Variants in PCDH11X observed in about 807,000 individuals in gnomAD.
The protein encoded by PCDH11X is protocadherin-11 X-linked.
A neutral mutation model predicts 53.3 loss-of-function variants in PCDH11X; 18 were observed. The ratio of observed to expected loss-of-function variants is 0.34; its 90% confidence interval spans 0.23 to 0.50. PCDH11X has a LOEUF of 0.50. Among genes scored for constraint, PCDH11X ranks in the 20% least tolerant of loss-of-function variants. The probability of loss-of-function intolerance (pLI) is 0.98; values close to 1 mark genes in which losing one functional copy is unlikely to be tolerated. For synonymous variants in PCDH11X, 279 were observed against 393.3 expected, an observed-to-expected ratio of 0.71 and a Z score of 3.44; for missense variants, 570 against 1,032.4, an observed-to-expected ratio of 0.55 and a Z score of 6.14.
chrX:92,317,534 T>C (rs1200025079), intron 8 of PCDH11X, among the ~76,000 whole-genome samples: 2 of 111,774 alleles, frequency 1.8e-5, no homozygotes, highest in Non-Finnish European at 3.8e-5. Flanking sequence ...GATAATACTT[T>C]CCAGTGGTAC....
intron 6 of PCDH11X, among the ~76,000 whole-genome samples, chrX:92,069,730 G>A (rs1360630685): frequency 2.7e-5 from 3 of 111,306 alleles, no homozygotes; most frequent in Non-Finnish European, 5.7e-5. Flanking sequence ...CACCCAGGCT[G>A]GAGTGCAGTG....
chrX:92,423,117 T>A (rs774976738), intron 9 of PCDH11X, among the ~76,000 whole-genome samples: 4 of 98,251 alleles, frequency 4.1e-5, no homozygotes, highest in African/African-American at 1.3e-4. Context: ...CCCAAAGTGC[T>A]GGGATTACAG....
intron 1 of PCDH11X, among the ~76,000 whole-genome samples, chrX:91,782,500 TA>T (rs779766211): frequency 1.8e-5 from 2 of 109,856 alleles, no homozygotes; most frequent in Non-Finnish European, 3.8e-5. Context: ...ACGGCCTCTT[TA>T]AAAAAAAACC....
At chrX:92,076,302 T>C (rs956516059) in intron 6 of PCDH11X, among the ~76,000 whole-genome samples, 9 of 105,071 alleles carry the variant, frequency 8.6e-5, no homozygotes, top group African/African-American at 3.3e-4. Flanking sequence ...AGAAAACCAA[T>C]GAGAGACCAC....
intron 10 of PCDH11X, among the ~76,000 whole-genome samples, chrX:92,549,530 C>A (rs1028320512): frequency 1.1e-4 from 12 of 108,622 alleles, no homozygotes; most frequent in Middle Eastern, 4.4e-3. Flanking sequence ...TTTTCAAATT[C>A]GTGATCTAAA....
chrX:92,064,607 T>G, intron 6 of PCDH11X, among the ~76,000 whole-genome samples: 1 of 110,845 alleles, frequency 9.0e-6, no homozygotes, highest in Non-Finnish European at 1.9e-5. Flanking sequence ...TGCCATGACA[T>G]GATAGGTAAG....
intron 5 of PCDH11X, among the ~76,000 whole-genome samples, chrX:91,855,984 C>T (rs1191314707): frequency 9.5e-6 from 1 of 104,765 alleles, no homozygotes; most frequent in African/African-American, 3.5e-5. Flanking sequence ...TTTGGATAAC[C>T]TTTATATCTT....
chrX:92,549,283 G>A lies in PCDH11X; in HGVS notation c.3368-68981G>A, dbSNP rs1431377588. Among the ~76,000 whole-genome samples, 3 of 107,125 alleles carry A rather than the reference G, an allele frequency of 2.8e-5. No homozygotes were observed. In the East Asian group the frequency reaches 8.8e-4, roughly 31 times the overall value. 93.0% of individuals were successfully genotyped at this position (107,125 alleles called of 115,157 possible). ...ATGCCTTATATTGCCTTATTTTGTA[G>A]CACTCATTTATAATTTCGTCTTGAA... On this transcript the variant is annotated intron_variant, in intron 10 of 10. Coordinates refer to ENST00000682573, the MANE Select transcript of PCDH11X (RefSeq NM_032968.5).
chrX:92,259,331 C>G (rs925045293), intron 7 of PCDH11X, among the ~76,000 whole-genome samples: 2 of 111,332 alleles, frequency 1.8e-5, no homozygotes, highest in East Asian at 5.7e-4. Flanking sequence ...GTTTAACTGG[C>G]TCACAGTTAT....
chrX:92,214,132 G>T (rs760370393), intron 7 of PCDH11X, among the ~76,000 whole-genome samples: 1 of 111,960 alleles, frequency 8.9e-6, no homozygotes, highest in Non-Finnish European at 1.9e-5. Flanking sequence ...CATTGAGAGT[G>T]AAATGGAGGC....
chrX:91,982,206 G>A (rs1463156324), intron 6 of PCDH11X, among the ~76,000 whole-genome samples: 6 of 108,488 alleles, frequency 5.5e-5, no homozygotes, highest in Non-Finnish European at 9.5e-5. Flanking sequence ...CTGGGAAAAG[G>A]TCATGAAGCT....
intron 6 of PCDH11X, among the ~76,000 whole-genome samples, chrX:91,998,115 G>T (rs1316985655): frequency 1.8e-5 from 2 of 110,494 alleles, no homozygotes; most frequent in Non-Finnish European, 3.8e-5. Flanking sequence ...TGTATTTTTA[G>T]TAGAGACAGG....
chrX:92,562,927 C>T (rs1288819466), intron 10 of PCDH11X, among the ~76,000 whole-genome samples: 1 of 109,870 alleles, frequency 9.1e-6, no homozygotes, highest in Non-Finnish European at 1.9e-5. Context: ...TCAAACATTC[C>T]CTCATCTTCC....
At chrX:92,089,328 T>A (rs1249276270) in intron 6 of PCDH11X, among the ~76,000 whole-genome samples, 16 of 111,567 alleles carry the variant, frequency 1.4e-4, no homozygotes, top group African/African-American at 3.9e-4. Context: ...CTAATCTGTG[T>A]AGATGTTAAA....
intron 8 of PCDH11X, among the ~76,000 whole-genome samples, chrX:92,331,279 TTTC>T (rs757045963): frequency 0.049 from 2,625 of 53,181 alleles, 117 homozygotes; most frequent in African/African-American, 0.1. Flanking sequence ...CCTCCTCCTC[TTTC>T]TTCTTCTTCT....
chrX:92,201,003 G>C (rs748040172), intron 6 of PCDH11X, among the ~76,000 whole-genome samples: 1 of 110,316 alleles, frequency 9.1e-6, no homozygotes, highest in African/African-American at 3.3e-5. Flanking sequence ...CCTCCAAAAT[G>C]CTGGGCTCAA....
At chrX:92,511,076 T>C (rs1388443419) in intron 10 of PCDH11X, among the ~76,000 whole-genome samples, 5 of 111,794 alleles carry the variant, frequency 4.5e-5, no homozygotes, top group African/African-American at 1.6e-4. Flanking sequence ...AGAAATTCCT[T>C]TTCTGACCAG....
At chrX:92,099,003 A>G (rs1321913046) in intron 6 of PCDH11X, among the ~76,000 whole-genome samples, 1 of 111,898 alleles carries the variant, frequency 8.9e-6, no homozygotes, top group East Asian at 2.8e-4. Context: ...GTGTGTTCCT[A>G]AAAGGGTAAT....
chrX:92,495,548 C>T (rs1423046437), intron 10 of PCDH11X, among the ~76,000 whole-genome samples: 1 of 110,193 alleles, frequency 9.1e-6, no homozygotes, highest in East Asian at 2.8e-4. Context: ...AAATAACTGA[C>T]AAATTACAAA....
Sources: gnomAD v4.1 joint callset for allele counts (sites outside exome capture counted in the v4.1 genomes callset) on GRCh38, gnomAD v4.1.1 for gene constraint, MANE v1.5 for transcripts, NCBI Gene and HGNC (gene_info 2026-07-23, HGNC 2026-07-21) for gene names.